The following ATF7IP2 variants were observed in gnomAD, a reference collection of about 807,000 sequenced individuals.
ATF7IP2 encodes activating transcription factor 7-interacting protein 2.
In ATF7IP2, 42 loss-of-function variants were observed where a neutral mutation model predicts 64.2. The observed-to-expected ratio is 0.65, with a 90% CI of 0.51 to 0.85. The LOEUF (loss-of-function observed/expected upper bound fraction) is 0.85. Ranked by LOEUF, ATF7IP2 falls within the 40% of genes least tolerant of loss-of-function variation. The probability of loss-of-function intolerance (pLI) is 0.00; values close to 1 mark genes in which losing one functional copy is unlikely to be tolerated. For synonymous variants in ATF7IP2, 308 were observed against 272.8 expected (o/e 1.13, Z -1.27); for missense variants, 933 against 784.2 (o/e 1.19, Z -2.27).
At chr16:10,440,127 G>A (rs182648462) in intron 7 of ATF7IP2, among the ~76,000 whole-genome samples, 382 of 152,012 alleles carry the variant, frequency 2.5e-3, no homozygotes, top group African/African-American at 7.4e-3. Flanking sequence ...ACCATTGCAC[G>A]CCAGCATGGG....
chr16:10,472,211 C>T (rs752653223), intron 10 of ATF7IP2, 28 bp downstream of exon 10: 1 of 1,254,096 alleles, frequency 8.0e-7, no homozygotes. Flanking sequence ...AGAATATGAT[C>T]TATCAAGTTA....
At chr16:10,448,567 A>G (rs1210973086) in intron 8 of ATF7IP2, 3 of 151,750 alleles carry the variant, frequency 2.0e-5, no homozygotes, top group Admixed American at 2.0e-4. Context: ...GTTCTCTGTT[A>G]TTGGTATATA....
intron 9 of ATF7IP2, among the ~76,000 whole-genome samples, chr16:10,465,541 C>A (rs943694510): frequency 6.6e-6 from 1 of 151,664 alleles, no homozygotes; most frequent in East Asian, 1.9e-4. Context: ...AATTTGACAC[C>A]AGCCTGGGCA....
chr16:10,403,628 T>C (rs1333712762), intron 1 of ATF7IP2, among the ~76,000 whole-genome samples: 4 of 152,108 alleles, frequency 2.6e-5, no homozygotes, highest in African/African-American at 9.7e-5. Context: ...AAAATGATAA[T>C]TGAAATGCTG....
chr16:10,467,386 T>TTATC (rs1427027789), intron 9 of ATF7IP2, among the ~76,000 whole-genome samples: 1 of 152,188 alleles, frequency 6.6e-6, no homozygotes, highest in Non-Finnish European at 1.5e-5. Context: ...ATTTTGAAAT[T>TTATC]GATAAAGTAT....
At chr16:10,459,387 G>A (rs1437716225) in intron 9 of ATF7IP2, among the ~76,000 whole-genome samples, 1 of 151,722 alleles carries the variant, frequency 6.6e-6, no homozygotes, top group African/African-American at 2.4e-5. Flanking sequence ...AGAATGGCTT[G>A]AACCTGGGAG....
chr16:10,423,040 C>G (rs866413872), intron 3 of ATF7IP2, among the ~76,000 whole-genome samples: 1 of 152,198 alleles, frequency 6.6e-6, no homozygotes, highest in African/African-American at 2.4e-5. Context: ...GTCAGGAGAT[C>G]AAGACCATCC....
intron 9 of ATF7IP2, among the ~76,000 whole-genome samples, chr16:10,467,171 A>G (rs1051408760): frequency 1.3e-5 from 2 of 152,170 alleles, no homozygotes; most frequent in Non-Finnish European, 2.9e-5. Flanking sequence ...GACATAGCCT[A>G]CCATGGTTAC....
intron 1 of ATF7IP2, among the ~76,000 whole-genome samples, chr16:10,397,811 C>T (rs1436349735): frequency 2.7e-5 from 4 of 149,448 alleles, no homozygotes; most frequent in Non-Finnish European, 5.9e-5. Context: ...GAACTGAAAT[C>T]GTGCCACTGC....
At chr16:10,429,782 A>T (rs143248549) in intron 4 of ATF7IP2, among the ~76,000 whole-genome samples, 2,386 of 133,222 alleles carry the variant, frequency 0.018, 60 homozygotes, top group East Asian at 0.14. Context: ...TTTTAATTTA[A>T]TTTAATTTTT....
intron 1 of ATF7IP2, among the ~76,000 whole-genome samples, chr16:10,398,778 G>A (rs934483252): frequency 6.6e-6 from 1 of 152,120 alleles, no homozygotes; most frequent in South Asian, 2.1e-4. Context: ...GGGTTGAATA[G>A]ATACTGGTCA....
chr16:10,480,429 T>C (rs1452321868), intron 12 of ATF7IP2, among the ~76,000 whole-genome samples: 1 of 152,012 alleles, frequency 6.6e-6, no homozygotes, highest in Non-Finnish European at 1.5e-5. Flanking sequence ...CCACTCCACA[T>C]TTTATGCCTA....
At chr16:10,396,267 T>G (rs867680927) in intron 1 of ATF7IP2, among the ~76,000 whole-genome samples, 1 of 152,198 alleles carries the variant, frequency 6.6e-6, no homozygotes, top group African/African-American at 2.4e-5. Flanking sequence ...ACTCATATAT[T>G]TTGGTTATTA....
Position 10,431,031 on chromosome 16 carries a change from A to T in ATF7IP2, c.411A>T (p.Ser137=), listed in dbSNP as rs759494436. ...SRVFTEEAKD[S]LNTSENDSEH... Reference sequence around the variant, plus strand: ...TCTTCACAGAAGAGGCAAAAGATTCACTGAACACTTCTGAAAACGATTCTG... The same window carrying T: ...TCTTCACAGAAGAGGCAAAAGATTCTCTGAACACTTCTGAAAACGATTCTG... The change falls in exon 5 of 14, where the codon TCA becomes TCT. Residue 137 remains serine, a synonymous_variant. Coordinates refer to ENST00000562102, the MANE Select transcript of ATF7IP2 (RefSeq NM_001393719.1). 9 of 1,614,214 alleles carry T rather than the reference A, an allele frequency of 5.6e-6. No individual in the cohort carries two copies. In the South Asian group the frequency reaches 7.7e-5, roughly 14 times the overall value.
intron 1 of ATF7IP2, among the ~76,000 whole-genome samples, chr16:10,393,306 A>C (rs2047363403): frequency 1.8e-5 from 2 of 109,152 alleles, no homozygotes; most frequent in African/African-American, 3.9e-5. Context: ...ACAGAGTGAG[A>C]CTCTGTCTCA....
chr16:10,459,550 C>T (rs959523318), intron 9 of ATF7IP2, among the ~76,000 whole-genome samples: 5 of 150,908 alleles, frequency 3.3e-5, no homozygotes, highest in African/African-American at 1.2e-4. Flanking sequence ...GGGAGGCTGA[C>T]ACAGGAGAAT....
rs549188657 is a variant in ATF7IP2, at chr16:10,426,845, G to A, written c.-159-2023G>A. On this transcript the variant is annotated intron_variant, in intron 3 of 13. Coordinates refer to ENST00000562102, the MANE Select transcript of ATF7IP2 (RefSeq NM_001393719.1). ...ACAAGGAATATGTTTTTGGTTTTTGGTTTTTTTTTGTTGTTGTTTTTTTTT... is the reference window on the plus strand; with the variant it reads ...ACAAGGAATATGTTTTTGGTTTTTGATTTTTTTTTGTTGTTGTTTTTTTTT... 4.6e-5 allele frequency among the ~76,000 whole-genome samples: 7 copies of A among 150,704 alleles called. No individual in the cohort carries two copies. In the East Asian group the frequency reaches 1.2e-3, roughly 25 times the overall value.
At chr16:10,393,317 A>AT (rs1463343897) in intron 1 of ATF7IP2, among the ~76,000 whole-genome samples, 1 of 18,568 alleles carries the variant, frequency 5.4e-5, no homozygotes, top group Non-Finnish European at 9.8e-5. Flanking sequence ...CTCTGTCTCA[A>AT]AAAAAAAAAA....
intron 6 of ATF7IP2, among the ~76,000 whole-genome samples, chr16:10,436,229 G>C (rs1045937038): frequency 1.1e-4 from 16 of 152,162 alleles, no homozygotes; most frequent in Admixed American, 4.6e-4. Context: ...GGACATGGTG[G>C]AGCATGCCTG....
Sources: gnomAD v4.1 joint callset for allele counts (sites outside exome capture counted in the v4.1 genomes callset) on GRCh38, gnomAD v4.1.1 for gene constraint, MANE v1.5 for transcripts, NCBI Gene and HGNC (gene_info 2026-07-23, HGNC 2026-07-21) for gene names.